The following CDYL2 variants were observed in gnomAD, a reference collection of about 807,000 sequenced individuals.
CDYL2 encodes chromodomain Y-like protein 2.
In CDYL2, 23 loss-of-function variants were observed where a neutral mutation model predicts 49.4. The ratio of observed to expected loss-of-function variants is 0.47; its 90% CI spans 0.34 to 0.66. CDYL2 has a LOEUF of 0.66. Among genes scored for constraint, CDYL2 ranks in the 30% least tolerant of loss-of-function variants. CDYL2 has a pLI of 0.01. For missense variants in CDYL2, 678 were observed against 656.4 expected, an observed-to-expected ratio of 1.03 and a Z score of -0.36; for synonymous variants, 360 against 268.8, an observed-to-expected ratio of 1.34 and a Z score of -3.32.
chr16:80,762,591 C>T (rs1359242357), intron 1 of CDYL2, among the ~76,000 whole-genome samples: 1 of 152,228 alleles, frequency 6.6e-6, no homozygotes, highest in African/African-American at 2.4e-5. Flanking sequence ...GAGAAAACTA[C>T]ACTTGACCTC....
At chr16:80,758,146 T>A (rs1361720353) in intron 1 of CDYL2, among the ~76,000 whole-genome samples, 1 of 152,136 alleles carries the variant, frequency 6.6e-6, no homozygotes, top group Non-Finnish European at 1.5e-5. Flanking sequence ...AAATGTGAGA[T>A]TTCATATAAA....
In CDYL2 at chr16:80,676,963, A is replaced by ATTTT. The variant is rs35188796; in HGVS notation, c.616+7571_616+7574dup. On this transcript the variant is annotated intron_variant, in intron 2 of 6. Transcript: ENST00000570137. ...GACTTTTTAACAACCAATTCAATGTATTTTTTTTTTTTTTTTTTTTTTTTT... is the reference window on the plus strand; with the variant it reads ...GACTTTTTAACAACCAATTCAATGTATTTTTTTTTTTTTTTTTTTTTTTTTTTTT... 4.3e-3 allele frequency among the ~76,000 whole-genome samples: 258 copies of ATTTT among 60,004 alleles called. 1 individual carries two copies. Among genetic ancestry groups the ATTTT allele is most frequent in the Non-Finnish European group, 6.5e-3 (174 of 26,686 alleles). 39.4% of individuals were successfully genotyped at this position (60,004 alleles called of 152,430 possible). A position where few individuals can be genotyped will look rare whatever the true frequency, so the allele number is the denominator to read the frequency against.
intron 1 of CDYL2, among the ~76,000 whole-genome samples, chr16:80,754,794 T>C (rs994898722): frequency 6.6e-6 from 1 of 152,208 alleles, no homozygotes; most frequent in Non-Finnish European, 1.5e-5. Flanking sequence ...TGATGGGGTT[T>C]GGCTCTCTTT....
intron 1 of CDYL2, among the ~76,000 whole-genome samples, chr16:80,779,471 G>A (rs1308713636): frequency 2.6e-5 from 4 of 152,030 alleles, no homozygotes; most frequent in African/African-American, 9.7e-5. Context: ...AGTATTATCA[G>A]AAGTCTTTAC....
intron 1 of CDYL2, among the ~76,000 whole-genome samples, chr16:80,732,615 C>G (rs1450381219): frequency 6.6e-6 from 1 of 152,108 alleles, no homozygotes; most frequent in Non-Finnish European, 1.5e-5. Context: ...GAATTTTGTA[C>G]CATGAGCATG....
chr16:80,800,715 G>A (rs11645677), intron 1 of CDYL2, among the ~76,000 whole-genome samples: 35,872 of 151,786 alleles, frequency 0.24, 4,470 homozygotes, highest in African/African-American at 0.31. Context: ...GAAGGACAAC[G>A]AAGGTCACAC....
chr16:80,650,127 G>GT (rs1373566765), intron 2 of CDYL2, among the ~76,000 whole-genome samples: 2 of 152,028 alleles, frequency 1.3e-5, no homozygotes, highest in Admixed American at 1.3e-4. Flanking sequence ...TGGGATCACA[G>GT]TAAGTTAAAA....
At chr16:80,639,819 T>C (rs902318903) in intron 2 of CDYL2, 2 of 433,130 alleles carry the variant, frequency 4.6e-6, no homozygotes, top group Non-Finnish European at 9.2e-6. Flanking sequence ...AGGGAGAGTG[T>C]AGCAATTGTG....
intron 1 of CDYL2, among the ~76,000 whole-genome samples, chr16:80,725,209 T>TACACACAC (rs369481037): frequency 6.8e-6 from 1 of 147,468 alleles, no homozygotes; most frequent in African/African-American, 2.5e-5. Context: ...CACACACACA[T>TACACACAC]ACACACACAC....
At chr16:80,707,636 G>C (rs1904451901) in intron 1 of CDYL2, among the ~76,000 whole-genome samples, 1 of 152,162 alleles carries the variant, frequency 6.6e-6, no homozygotes, top group African/African-American at 2.4e-5. Context: ...CCAAACTCCA[G>C]ATGCTTTGGT....
chr16:80,646,746 G>A (rs1190145114), intron 2 of CDYL2, among the ~76,000 whole-genome samples: 3 of 151,962 alleles, frequency 2.0e-5, no homozygotes, highest in Non-Finnish European at 4.4e-5. Context: ...CCAAGATTGC[G>A]CCACTGCACT....
At chr16:80,634,215 T>A (rs1597137753) in intron 2 of CDYL2, among the ~76,000 whole-genome samples, 1 of 152,214 alleles carries the variant, frequency 6.6e-6, no homozygotes, top group African/African-American at 2.4e-5. Flanking sequence ...ACTGCGGCAC[T>A]ATTCACAATA....
Position 80,618,188 on chromosome 16 carries a change from C to A in CDYL2, c.1007+2575G>T, listed in dbSNP as rs77393685. Among the ~76,000 whole-genome samples the A allele has an allele frequency of 7.5e-3, 1,135 of 152,328 alleles. 14 individuals carry two copies. The highest frequency in any genetic ancestry group is 0.026 in the African/African-American group (1,076 of 41,566). ...TCTGCCTAAGGGGAGCTCACTTGCC[C>A]GCTGAGATGGCAAATGTCTGAATTC... On this transcript the variant is annotated intron_variant, in intron 4 of 6. Transcript: ENST00000570137.
intron 2 of CDYL2, among the ~76,000 whole-genome samples, chr16:80,640,106 G>A (rs185311459): frequency 1.5e-4 from 23 of 152,262 alleles, no homozygotes; most frequent in African/African-American, 5.5e-4. Flanking sequence ...TAGACTCAGG[G>A]GGCACACAAT....
intron 1 of CDYL2, among the ~76,000 whole-genome samples, chr16:80,795,821 AC>A (rs755589810): frequency 2.6e-5 from 4 of 152,210 alleles, no homozygotes; most frequent in Non-Finnish European, 5.9e-5. Flanking sequence ...CCCTCATTAC[AC>A]ATGCATACAT....
rs35071485 is a variant in CDYL2, at chr16:80,702,183, A to AACACACACACACACACAC, written c.25-17072_25-17055dup. ...AGGTTCCAAGAGTCAGAAGGCCTAA[A>AACACACACACACACACAC]ACACACACACACACACACACACACA... On this transcript the variant is annotated intron_variant, in intron 1 of 6. Coordinates refer to ENST00000570137, the MANE Select transcript of CDYL2 (RefSeq NM_152342.4). Among the ~76,000 whole-genome samples the AACACACACACACACACAC allele has an allele frequency of 3.0e-3, 434 of 142,834 alleles. 2 individuals carry two copies. The highest frequency in any genetic ancestry group is 0.011 in the African/African-American group (417 of 38,218). The allele number at this position is 142,834 out of a possible 152,430, so 93.7% of individuals were successfully genotyped here.
chr16:80,665,155 T>C (rs1597157653), intron 2 of CDYL2, among the ~76,000 whole-genome samples: 1 of 152,200 alleles, frequency 6.6e-6, no homozygotes, highest in East Asian at 1.9e-4. Flanking sequence ...TTACATATTT[T>C]CTACAAATCT....
At chr16:80,610,378 G>A (rs1256736876) in intron 5 of CDYL2, among the ~76,000 whole-genome samples, 2 of 152,224 alleles carry the variant, frequency 1.3e-5, no homozygotes, top group African/African-American at 4.8e-5. Flanking sequence ...AAAGGTGGGT[G>A]TTGACCTTCC....
intron 1 of CDYL2, among the ~76,000 whole-genome samples, chr16:80,739,870 C>T (rs1407934085): frequency 6.6e-6 from 1 of 152,176 alleles, no homozygotes; most frequent in African/African-American, 2.4e-5. Context: ...AGCCCAATTA[C>T]CTGAAATGCT....
Sources: allele counts gnomAD v4.1 joint callset (sites outside exome capture counted in the v4.1 genomes callset), GRCh38; gene constraint gnomAD v4.1.1; transcripts MANE v1.5; gene names NCBI Gene and HGNC (gene_info 2026-07-23, HGNC 2026-07-21).